Variants in CEP162 observed in about 807,000 individuals in gnomAD.
The protein encoded by CEP162 is centrosomal protein of 162 kDa.
In CEP162, 141 loss-of-function variants were observed where a neutral mutation model predicts 169.2. That is an observed-to-expected ratio of 0.83 (90% CI 0.73 to 0.96). CEP162 has a LOEUF of 0.96. Among genes scored for constraint, CEP162 ranks in the 40% least tolerant of loss-of-function variants. The pLI, the probability that CEP162 is intolerant of heterozygous loss-of-function variation, is 0.00. For synonymous variants in CEP162, 540 were observed against 526.4 expected (o/e 1.03, Z -0.35); for missense variants, 1,600 against 1,587.2 (o/e 1.01, Z -0.14).
intron 25 of CEP162, among the ~76,000 whole-genome samples, chr6:84,131,124 C>T (rs2099511196): frequency 6.6e-6 from 1 of 152,040 alleles, no homozygotes; most frequent in South Asian, 2.1e-4. Context: ...TCCAGTAGTC[C>T]TTCAGGAGCA....
chr6:84,151,135 G>C (rs1226665457), intron 23 of CEP162, among the ~76,000 whole-genome samples: 3 of 152,114 alleles, frequency 2.0e-5, no homozygotes, highest in African/African-American at 7.2e-5. Flanking sequence ...AGTAGTATTA[G>C]AATAGTGATG....
At chr6:84,210,167 C>T (rs2127743411) in intron 6 of CEP162, among the ~76,000 whole-genome samples, 1 of 152,280 alleles carries the variant, frequency 6.6e-6, no homozygotes, top group East Asian at 1.9e-4. Flanking sequence ...ATTCAAGTTA[C>T]TGGGTTTCTA....
chr6:84,125,463 T>C lies in CEP162; in HGVS notation c.4006-187A>G, dbSNP rs115405491. Among the ~76,000 whole-genome samples, 455 of 152,192 alleles carry C rather than the reference T, an allele frequency of 3.0e-3. 2 individuals are homozygous for C. Among genetic ancestry groups the C allele is most frequent in the African/African-American group, 1.0e-2 (415 of 41,536 alleles). On this transcript the variant is annotated intron_variant, in intron 26 of 26. Transcript: ENST00000403245. ...CATCCCAACTGTGTTAGGGACTAAA[T>C]GTTTGTGTCCCCCTCAAATTCATAT... is the stretch of plus-strand genomic sequence containing the variant.
intron 6 of CEP162, among the ~76,000 whole-genome samples, chr6:84,212,371 G>A (rs139957750): frequency 6.6e-6 from 1 of 152,182 alleles, no homozygotes; most frequent in African/African-American, 2.4e-5. Context: ...GTGTTTTTAA[G>A]ACATGTAGAA....
intron 23 of CEP162, among the ~76,000 whole-genome samples, chr6:84,151,396 TG>T (rs1328437466): frequency 1.3e-5 from 2 of 151,968 alleles, no homozygotes; most frequent in Non-Finnish European, 2.9e-5. Flanking sequence ...GAGATAAAGC[TG>T]GGCTGGTAAT....
intron 18 of CEP162, among the ~76,000 whole-genome samples, chr6:84,163,914 G>C (rs1006694738): frequency 1.3e-5 from 2 of 151,608 alleles, no homozygotes; most frequent in African/African-American, 4.9e-5. Flanking sequence ...AGAGTGAACA[G>C]GCAACCTACA....
chr6:84,175,093 G>A (rs564164599), intron 14 of CEP162, 121 bp downstream of exon 14: 1 of 866,886 alleles, frequency 1.2e-6, no homozygotes, highest in Admixed American at 3.2e-5. Context: ...TAGTAAGAGT[G>A]ATTACAGTAT....
rs369256929 is a variant in CEP162 at position 84,174,052 on chromosome 6, T to C, written c.2162A>G (p.Gln721Arg). Reference protein sequence around the residue: ...QEQETLLQGYQQENERLYNQV... With the variant: ...QEQETLLQGYRQENERLYNQV... ...TATGTTGAAGAATTGCCATACCTGTTGATATCCTTGAAGAAGTGTCTCTTG... is the reference window on the plus strand; with the variant it reads ...TATGTTGAAGAATTGCCATACCTGTCGATATCCTTGAAGAAGTGTCTCTTG... The change falls in exon 16 of 27, where the codon CAA (glutamine) becomes CGA (arginine). Residue 721 changes from glutamine (Q) to arginine (R), a missense_variant. By Grantham distance (43) the Gln-to-Arg change is conservative. Transcript: ENST00000403245. 3.1e-5 allele frequency: 50 copies of C among 1,609,882 alleles called. No homozygotes were observed. Among genetic ancestry groups the C allele is most frequent in the Non-Finnish European group, 4.0e-5 (47 of 1,178,386 alleles).
In CEP162 at chr6:84,220,486, A is replaced by G. The variant is rs543430473; in HGVS notation, c.172+571T>C. Among the ~76,000 whole-genome samples, 6 of 152,220 alleles carry G rather than the reference A, an allele frequency of 3.9e-5. No individual in the cohort carries two copies. In the South Asian group the frequency reaches 1.2e-3, roughly 32 times the overall value. ...AAGAAATAAAAAAAATTAGCCAGGC[A>G]TGTTGGCATGTACCTGTAGTCCCAG... is the stretch of plus-strand genomic sequence containing the variant. On this transcript the variant is annotated intron_variant, in intron 3 of 26. Coordinates refer to ENST00000403245, the MANE Select transcript of CEP162 (RefSeq NM_014895.4).
chr6:84,194,600 T>C (rs1260744614), intron 10 of CEP162, among the ~76,000 whole-genome samples: 2 of 151,918 alleles, frequency 1.3e-5, no homozygotes, highest in Admixed American at 6.6e-5. Flanking sequence ...ACTATAGGCG[T>C]GTGCCACCAT....
chr6:84,162,741 C>G (rs115161559), intron 19 of CEP162, among the ~76,000 whole-genome samples: 3,674 of 152,224 alleles, frequency 0.024, 136 homozygotes, highest in African/African-American at 0.085. Context: ...GTAGTAGGGA[C>G]CATGCCACAT....
rs748431005 is a variant in CEP162, at chr6:84,155,501, T to C, written c.2791A>G (p.Met931Val). The change falls in exon 22 of 27, where the codon ATG becomes GTG. Residue 931 changes from methionine (M) to valine (V), a missense_variant. Transcript: ENST00000403245. The part of the protein sequence containing the change: ...IQDLERQVKE[M>V]EGILKRRYPN... Reference sequence around the variant, plus strand: ...TATCTTCTCTTCAGAATCCCTTCCATTTCCTTAACCTATTAAAACATATTT... The same window carrying C: ...TATCTTCTCTTCAGAATCCCTTCCACTTCCTTAACCTATTAAAACATATTT... The C allele has an allele frequency of 6.2e-7, 1 of 1,605,548 alleles. No individual in the cohort carries two copies. Among genetic ancestry groups the C allele is most frequent in the Non-Finnish European group, 8.5e-7 (1 of 1,173,794 alleles).
Position 84,125,260 on chromosome 6 carries a change from T to G in CEP162, c.4022A>C (p.His1341Pro), listed in dbSNP as rs1554443745. The G allele has an allele frequency of 6.2e-7, 1 of 1,613,346 alleles. No individual in the cohort carries two copies. The highest frequency in any genetic ancestry group is 2.2e-5 in the East Asian group (1 of 44,874). Residue 1341 changes from histidine to proline, a missense_variant, in exon 27 of 27, where the codon CAC becomes CCC. His to Pro is a moderately conservative substitution (Grantham distance 77). Coordinates refer to ENST00000403245, the MANE Select transcript of CEP162 (RefSeq NM_014895.4). ...QELQQIIQQT[H>P]QVVETEQNKE... ...GTTTTGCTCAGTTTCTACTACTTGG[T>G]GTGTTTGCTGTATTATCTGCAAATA... is the stretch of plus-strand genomic sequence containing the variant.
rs555925729 is a variant in CEP162 at position 84,148,494 on chromosome 6, CAGA to C, written c.3771+1065_3771+1067del. On this transcript the variant is annotated intron_variant, in intron 24 of 26. Transcript: ENST00000403245. The stretch of plus-strand genomic sequence containing the variant: ...CAGTGAGCTGAGACAGCCTGGGTGA[CAGA>C]AGGAGACTGTCTCAAAGAAACAAAA... 6.3e-3 allele frequency among the ~76,000 whole-genome samples: 963 copies of C among 152,192 alleles called. 5 individuals are homozygous for C. Among genetic ancestry groups the C allele is most frequent in the African/African-American group, 0.022 (920 of 41,534 alleles).
At chr6:84,155,869 A>G (rs1439556780) in intron 21 of CEP162, among the ~76,000 whole-genome samples, 1 of 152,222 alleles carries the variant, frequency 6.6e-6, no homozygotes, top group Non-Finnish European at 1.5e-5. Flanking sequence ...TCACAGAATT[A>G]GAAAAACCAA....
intron 25 of CEP162, among the ~76,000 whole-genome samples, chr6:84,144,304 C>T (rs1190874964): frequency 6.6e-6 from 1 of 151,894 alleles, no homozygotes; most frequent in African/African-American, 2.4e-5. Context: ...AACAAATGTT[C>T]CAGAAGTTGT....
At chr6:84,196,160 G>C (rs950974518) in intron 9 of CEP162, among the ~76,000 whole-genome samples, 12 of 152,150 alleles carry the variant, frequency 7.9e-5, no homozygotes, top group Non-Finnish European at 1.6e-4. Context: ...GTCATGGGAG[G>C]GACCTGGTGG....
chr6:84,200,933 G>C lies in CEP162; in HGVS notation c.719-28C>G, dbSNP rs766888592. 7.7e-6 allele frequency: 10 copies of C among 1,306,634 alleles called. No individual in the cohort carries two copies. The Admixed American group carries it at 1.2e-4, about 16-fold the overall frequency. 80.9% of individuals were successfully genotyped at this position (1,306,634 alleles called of 1,614,324 possible). ...GGAAGAATATAAAAGAAAAATATAA[G>C]GAATGTAGATAAACTCAGTGGTTCT... is the stretch of plus-strand genomic sequence containing the variant. On this transcript the variant is annotated intron_variant, in intron 8 of 26. Transcript: ENST00000403245.
At chr6:84,151,131 A>G (rs2099520932) in intron 23 of CEP162, among the ~76,000 whole-genome samples, 2 of 152,142 alleles carry the variant, frequency 1.3e-5, no homozygotes, top group South Asian at 4.1e-4. Context: ...GTAGAGTAGT[A>G]TTAGAATAGT....
Sources: allele counts gnomAD v4.1 joint callset (sites outside exome capture counted in the v4.1 genomes callset), GRCh38; gene constraint gnomAD v4.1.1; transcripts MANE v1.5; gene names NCBI Gene and HGNC (gene_info 2026-07-23, HGNC 2026-07-21).